Variants in PIK3CD observed in about 807,000 individuals in gnomAD.
PIK3CD encodes phosphatidylinositol-4,5-bisphosphate 3-kinase catalytic subunit delta.
A neutral mutation model predicts 122.9 loss-of-function variants in PIK3CD; 20 were observed. That is an observed-to-expected ratio of 0.16 (90% CI 0.11 to 0.24). PIK3CD has a LOEUF of 0.24. Among genes scored for constraint, PIK3CD ranks in the 10% least tolerant of loss-of-function variants. PIK3CD has a pLI of 1.00. For synonymous variants in PIK3CD, 596 were observed against 593.4 expected, an observed-to-expected ratio of 1.00 and a Z score of -0.06; for missense variants, 787 against 1,406.3, an observed-to-expected ratio of 0.56 and a Z score of 7.04.
the PIK3CD span, among the ~76,000 whole-genome samples, chr1:9,634,629 T>C: frequency 6.6e-6 from 1 of 152,150 alleles, no homozygotes; most frequent in Non-Finnish European, 1.5e-5. Flanking sequence ...AGCCTTTGAG[T>C]CCCATGAGGT....
In PIK3CD at chr1:9,724,276, C is replaced by T. The variant is rs1649151320; in HGVS notation, c.2719C>T (p.Leu907=). The change falls in exon 22 of 24, where the codon CTG becomes TTG. Residue 907 remains leucine (L), a splice_region_variant and synonymous_variant. Coordinates refer to ENST00000377346, the MANE Select transcript of PIK3CD (RefSeq NM_005026.5). This position sits in a 1 kb window ranked among gnomAD's most constrained non-coding sequence, Gnocchi z 7.3. Reference sequence around the variant, plus strand: ...TCCCCCTCCTCTCCCCTCCCCTCAGCTGTTCCACATTGATTTTGGCCACTT... The same window carrying T: ...TCCCCCTCCTCTCCCCTCCCCTCAGTTGTTCCACATTGATTTTGGCCACTT... ...DNIMIRESGQ[L]FHIDFGHFLG... 1 of 1,614,164 alleles carries T rather than the reference C, an allele frequency of 6.2e-7. No homozygotes were observed. The highest frequency in any genetic ancestry group is 8.5e-7 in the Non-Finnish European group (1 of 1,180,036).
At chr1:9,687,045 C>T (rs1056683558) in intron 1 of PIK3CD, among the ~76,000 whole-genome samples, 2 of 152,166 alleles carry the variant, frequency 1.3e-5, no homozygotes, top group African/African-American at 4.8e-5. Flanking sequence ...TTCAAAGAAT[C>T]TTGGATTTTT....
chr1:9,718,613 G>A lies in PIK3CD; in HGVS notation c.1021-81G>A. On this transcript the variant is annotated intron_variant, in intron 8 of 23. Coordinates refer to ENST00000377346, the MANE Select transcript of PIK3CD (RefSeq NM_005026.5). This position sits in a 1 kb window ranked among gnomAD's most constrained non-coding sequence, Gnocchi z 7.2. Reference sequence around the variant, plus strand: ...TTCAGACCCACCTGAGGACATTCAAGGGGGAGACTGACACCTTAAGGGGGA... The same window carrying A: ...TTCAGACCCACCTGAGGACATTCAAAGGGGAGACTGACACCTTAAGGGGGA... 7.7e-7 allele frequency: 1 copy of A among 1,306,098 alleles called. No homozygotes were observed. Among genetic ancestry groups the A allele is most frequent in the Non-Finnish European group, 1.1e-6 (1 of 919,868 alleles). 80.9% of individuals were successfully genotyped at this position (1,306,098 alleles called of 1,614,324 possible). A position where few individuals can be genotyped will look rare whatever the true frequency, so the allele number is the denominator to read the frequency against.
intron 5 of PIK3CD, 82 bp from the exon 6 acceptor site, chr1:9,716,358 G>A: frequency 1.5e-6 from 2 of 1,368,638 alleles, no homozygotes; most frequent in Non-Finnish European, 2.1e-6. Flanking sequence ...CTACCCTTGG[G>A]GGCAAATAGG....
the PIK3CD span, among the ~76,000 whole-genome samples, chr1:9,644,082 C>T: frequency 2.9e-3 from 448 of 152,274 alleles, 2 homozygotes; most frequent in Non-Finnish European, 5.0e-3. Context: ...TATGGGCATG[C>T]GTGGGTGGTG....
At position 9,663,283 on chromosome 1, in the gene PIK3CD, AG is replaced by A. The variant is rs1472771242; in HGVS notation, c.-138+11482del. Among the ~76,000 whole-genome samples, 46 of 152,304 alleles carry A rather than the reference AG, an allele frequency of 3.0e-4. 1 individual carries two copies. In the Middle Eastern group the frequency reaches 0.014, roughly 45 times the overall value. ...CATGTTCAGGGCCTCCCACCAGGGA[AG>A]CTACCCCACAGCCCTGTGCAGTGTC... On this transcript the variant is annotated intron_variant, in intron 1 of 23. Coordinates refer to ENST00000377346, the MANE Select transcript of PIK3CD (RefSeq NM_005026.5).
intron 1 of PIK3CD, chr1:9,672,631 G>A (rs1645366613): frequency 1.3e-5 from 2 of 152,040 alleles, no homozygotes; most frequent in Non-Finnish European, 2.9e-5. Context: ...TTGCTGTGTT[G>A]CCCAGGCTGG....
chr1:9,711,931 C>G lies in PIK3CD; in HGVS notation c.141+1335C>G, dbSNP rs1382456670. On this transcript the variant is annotated intron_variant, in intron 3 of 23. Coordinates refer to ENST00000377346, the MANE Select transcript of PIK3CD (RefSeq NM_005026.5). ...TTTTTTTTTGAGATGGAGTCCCGCT[C>G]TGTCGCCCAGGCTGGAGTGCAGTGG... Among the ~76,000 whole-genome samples, 4 of 151,838 alleles carry G rather than the reference C, an allele frequency of 2.6e-5. No individual in the cohort carries two copies. The East Asian group carries it at 7.7e-4, about 29-fold the overall frequency.
At chr1:9,668,098 TC>T (rs1003478221) in intron 1 of PIK3CD, among the ~76,000 whole-genome samples, 6 of 152,082 alleles carry the variant, frequency 3.9e-5, no homozygotes, top group African/African-American at 1.2e-4. Flanking sequence ...TAGCTTTCTT[TC>T]TCTTTACTGG....
At chr1:9,666,866 ATTT>A (rs57178903) in intron 1 of PIK3CD, among the ~76,000 whole-genome samples, 1 of 111,800 alleles carries the variant, frequency 8.9e-6, no homozygotes, top group Non-Finnish European at 1.9e-5. Context: ...CATGCCTGCT[ATTT>A]TTTTTTTTTT....
At position 9,722,814 on chromosome 1, in the gene PIK3CD, C is replaced by G. The variant is rs1401813692; in HGVS notation, c.2426+208C>G. Among the ~76,000 whole-genome samples the G allele has an allele frequency of 6.6e-6, 1 of 152,144 alleles. No homozygotes were observed. Among genetic ancestry groups the G allele is most frequent in the East Asian group, 1.9e-4 (1 of 5,182 alleles). On this transcript the variant is annotated intron_variant, in intron 19 of 23. Transcript: ENST00000377346. This position sits in a 1 kb window ranked among gnomAD's most constrained non-coding sequence, Gnocchi z 7.6. ...CTGCTCCTGAGGCTTAGTGTGTACCCTGCTCTGTTGCTTTAGTTGCCCAGG... is the reference window on the plus strand; with the variant it reads ...CTGCTCCTGAGGCTTAGTGTGTACCGTGCTCTGTTGCTTTAGTTGCCCAGG...
At chr1:9,646,066 C>T in the PIK3CD span, among the ~76,000 whole-genome samples, 2 of 152,078 alleles carry the variant, frequency 1.3e-5, no homozygotes, top group African/African-American at 2.4e-5. Context: ...GCCACCGCAC[C>T]TGGCCGAAAG....
At chr1:9,679,524 A>C (rs1645668719) in intron 1 of PIK3CD, among the ~76,000 whole-genome samples, 3 of 151,270 alleles carry the variant, frequency 2.0e-5, no homozygotes, top group Admixed American at 2.0e-4. Context: ...TCGCCTGTTT[A>C]CCTCTCAATA....
At chr1:9,701,268 C>G (rs993973947) in intron 2 of PIK3CD, among the ~76,000 whole-genome samples, 1 of 152,142 alleles carries the variant, frequency 6.6e-6, no homozygotes, top group African/African-American at 2.4e-5. Flanking sequence ...AGACTTGAGT[C>G]CCTTTCCCAC....
In PIK3CD at chr1:9,727,095, G is replaced by A. The variant is rs751270870; in HGVS notation, c.*49G>A. ...AAGAGGAGGCGGCTGCGGGTCGTGG[G>A]GACCAAGCACATTGGTCCTAAAGGG... On this transcript the variant is annotated 3_prime_UTR_variant, in exon 24 of 24. Transcript: ENST00000377346. The A allele has an allele frequency of 1.2e-6, 2 of 1,611,378 alleles. No homozygotes were observed. The highest frequency in any genetic ancestry group is 2.7e-5 in the African/African-American group (2 of 74,862).
chr1:9,657,330 G>A (rs756503131), intron 1 of PIK3CD, among the ~76,000 whole-genome samples: 6 of 152,094 alleles, frequency 3.9e-5, no homozygotes, highest in Non-Finnish European at 8.8e-5. Flanking sequence ...ACCTATCTTT[G>A]TGGGGGCCAC....
chr1:9,702,650 A>G (rs1646691140), intron 2 of PIK3CD, among the ~76,000 whole-genome samples: 1 of 150,128 alleles, frequency 6.7e-6, no homozygotes, highest in Non-Finnish European at 1.5e-5. Flanking sequence ...CCTCCCGAGT[A>G]GCTGGGATTA....
intron 1 of PIK3CD, among the ~76,000 whole-genome samples, chr1:9,663,504 A>C (rs188816790): frequency 4.3e-4 from 65 of 152,148 alleles, no homozygotes; most frequent in Non-Finnish European, 8.1e-4. Flanking sequence ...GATTCCTGTC[A>C]CCTTCCAAAC....
chr1:9,724,138 G>T lies in PIK3CD; in HGVS notation c.2718+46G>T. On this transcript the variant is annotated intron_variant, in intron 21 of 23. Coordinates refer to ENST00000377346, the MANE Select transcript of PIK3CD (RefSeq NM_005026.5). The surrounding 1 kb of genome is among the most constrained non-coding windows in gnomAD (Gnocchi z 7.3). ...GGCTGCTGTGGGGACTTGGCTTCTG[G>T]CCCCAGCCTGCTGGCCCCTCTGCCT... 1 of 1,613,830 alleles carries T rather than the reference G, an allele frequency of 6.2e-7. No homozygotes were observed. The highest frequency in any genetic ancestry group is 8.5e-7 in the Non-Finnish European group (1 of 1,179,998).
Sources: allele counts gnomAD v4.1 joint callset (sites outside exome capture counted in the v4.1 genomes callset), GRCh38; gene constraint gnomAD v4.1.1; non-coding constraint Gnocchi (gnomAD v3.1); transcripts MANE v1.5; gene names NCBI Gene and HGNC (gene_info 2026-07-23, HGNC 2026-07-21).